SYNE2: variants seen among roughly 807,000 people sequenced by gnomAD.
The protein encoded by SYNE2 is spectrin repeat containing nuclear envelope protein 2.
SYNE2 carries 431 observed loss-of-function variants against 856.3 expected under a neutral mutation model. The ratio of observed to expected loss-of-function variants is 0.50; its 90% CI spans 0.47 to 0.55. The LOEUF (loss-of-function observed/expected upper bound fraction) is 0.55, where lower values mean the gene tolerates loss of function less well. Ranked by LOEUF, SYNE2 falls within the 20% of genes least tolerant of loss-of-function variation. The pLI is 0.00. For missense variants in SYNE2, 8,129 were observed against 8,023.2 expected, an observed-to-expected ratio of 1.01 and a Z score of -0.50; for synonymous variants, 2,923 against 2,872.3, an observed-to-expected ratio of 1.02 and a Z score of -0.56.
At chr14:64,033,445 G>A (rs11621129) in intron 45 of SYNE2, among the ~76,000 whole-genome samples, 114,748 of 151,546 alleles carry the variant, frequency 0.76, 45,508 homozygotes, top group Non-Finnish European at 0.88. Flanking sequence ...TGAGGAGGCC[G>A]AGGTGGATAG....
At chr14:64,020,678 G>A (rs2096929635) in intron 35 of SYNE2, among the ~76,000 whole-genome samples, 1 of 152,202 alleles carries the variant, frequency 6.6e-6, no homozygotes, top group Non-Finnish European at 1.5e-5. Context: ...ATAGGAAGGA[G>A]AATTTCACTC....
chr14:63,862,977 T>C (rs2140209880), intron 1 of SYNE2, among the ~76,000 whole-genome samples: 1 of 152,178 alleles, frequency 6.6e-6, no homozygotes, highest in African/African-American at 2.4e-5. Flanking sequence ...TTTGTATTTT[T>C]AGTAGAGGTG....
chr14:63,980,858 G>C, intron 15 of SYNE2, 126 bp downstream of exon 15: 1 of 1,076,020 alleles, frequency 9.3e-7, no homozygotes, highest in South Asian at 1.5e-5. Context: ...GAAAATTCTT[G>C]CTTTCACTTT....
rs544969880 is a variant in SYNE2, at chr14:64,022,358, C to T, written c.5524+330C>T. On this transcript the variant is annotated intron_variant, in intron 37 of 115. Transcript: ENST00000555002. ...GCAGTGTCTTTGAGTGTCCTGTATG[C>T]TTGGACGTTTGGTATAGAAAATACA... is the stretch of plus-strand genomic sequence containing the variant. Among the ~76,000 whole-genome samples, 5 of 152,208 alleles carry T rather than the reference C, an allele frequency of 3.3e-5. No homozygotes were observed. The South Asian group carries it at 8.3e-4, about 25-fold the overall frequency.
At chr14:64,142,944 G>T (rs1413359191) in intron 82 of SYNE2, among the ~76,000 whole-genome samples, 7 of 152,248 alleles carry the variant, frequency 4.6e-5, no homozygotes, top group African/African-American at 1.7e-4. Context: ...AGTGACAAGT[G>T]TGGTCATTGC....
chr14:64,080,405 C>T, intron 55 of SYNE2, 51 bp from the exon 56 acceptor site: 1 of 1,584,928 alleles, frequency 6.3e-7, no homozygotes, highest in East Asian at 2.2e-5. Flanking sequence ...GGCATTGCCT[C>T]CATAAACTAT....
chr14:63,938,231 G>C (rs1329643053), intron 2 of SYNE2, among the ~76,000 whole-genome samples: 1 of 152,074 alleles, frequency 6.6e-6, no homozygotes, highest in Non-Finnish European at 1.5e-5. Flanking sequence ...TGAGTTGGGA[G>C]GATTGCTTGA....
At chr14:64,016,778 A>G in intron 33 of SYNE2, 147 bp downstream of exon 33, 1 of 633,158 alleles carries the variant, frequency 1.6e-6, no homozygotes, top group South Asian at 2.1e-5. Flanking sequence ...TTTTAACCCC[A>G]GAGTTGGGAC....
Position 64,027,893 on chromosome 14 carries a change from GTTTTATTTTA to G in SYNE2, c.6714+120_6714+129del, listed in dbSNP as rs534849268. ...CTGTTGTTGTTGTTCATTTTGTTTT[GTTTTATTTTA>G]TTTTATTTTATTTTATTTTTTTGAG... On this transcript the variant is annotated intron_variant, in intron 43 of 115. Coordinates refer to ENST00000555002, the MANE Select transcript of SYNE2 (RefSeq NM_182914.3). The G allele has an allele frequency of 5.1e-5, 52 of 1,015,326 alleles. 1 individual carries two copies. The Middle Eastern group carries it at 7.3e-4, about 14-fold the overall frequency. The allele number at this position is 1,015,326 out of a possible 1,614,324, so 62.9% of individuals were successfully genotyped here.
intron 66 of SYNE2, among the ~76,000 whole-genome samples, chr14:64,117,262 G>A (rs1289817508): frequency 6.6e-6 from 1 of 152,182 alleles, no homozygotes; most frequent in Admixed American, 6.5e-5. Context: ...ATCTTAGAGA[G>A]AGGACCCAAG....
At chr14:64,008,275 T>TC (rs2096815522) in intron 31 of SYNE2, among the ~76,000 whole-genome samples, 3 of 152,198 alleles carry the variant, frequency 2.0e-5, no homozygotes, top group Admixed American at 1.3e-4. Context: ...TAGTTTAAGA[T>TC]CCTTAGCTTA....
intron 99 of SYNE2, among the ~76,000 whole-genome samples, chr14:64,199,371 ACT>A (rs1357072060): frequency 6.6e-6 from 1 of 151,840 alleles, no homozygotes; most frequent in African/African-American, 2.4e-5. Flanking sequence ...CAAGCTCTTT[ACT>A]CTCTGTGCCT....
rs79092707 is a variant in SYNE2, at chr14:63,799,395, C to CTT, written c.-305+37426_-305+37427dup. On this transcript the variant is annotated intron_variant, in intron 1 of 23. Coordinates refer to the SYNE2 transcript ENST00000674003. ...CACCCTGCCAATAAATGTTTTAAAACTTTTTTTTTTTTTTTTTTGGCCGGG... is the reference window on the plus strand; with the variant it reads ...CACCCTGCCAATAAATGTTTTAAAACTTTTTTTTTTTTTTTTTTTTGGCCGGG... Among the ~76,000 whole-genome samples, 70 of 128,428 alleles carry CTT rather than the reference C, an allele frequency of 5.5e-4. 1 individual carries two copies. The highest frequency in any genetic ancestry group is 3.8e-3 in the East Asian group (16 of 4,218). 84.3% of individuals were successfully genotyped at this position (128,428 alleles called of 152,430 possible). A position where few individuals can be genotyped will look rare whatever the true frequency, so the allele number is the denominator to read the frequency against.
At chr14:64,100,058 T>C (rs541194903) in intron 63 of SYNE2, 6 of 152,038 alleles carry the variant, frequency 3.9e-5, no homozygotes, top group African/African-American at 1.4e-4. Flanking sequence ...TTATTCACAA[T>C]AGCAAAGACT....
intron 100 of SYNE2, chr14:64,207,946 C>T (rs753855186): frequency 1.1e-5 from 5 of 454,466 alleles, no homozygotes; most frequent in South Asian, 7.8e-5. Flanking sequence ...TTATCTCTCT[C>T]CCTCCCCGCA....
chr14:64,113,258 G>A (rs2097826659), intron 65 of SYNE2, 83 bp from the exon 66 acceptor site: 2 of 1,607,504 alleles, frequency 1.2e-6, no homozygotes, highest in African/African-American at 1.3e-5. Context: ...TTTTAACTGG[G>A]GAAATGTTGC....
Position 64,016,601 on chromosome 14 carries a change from G to C in SYNE2, c.4857G>C (p.Glu1619Asp), listed in dbSNP as rs1594885524. 13 of 1,600,278 alleles carry C rather than the reference G, an allele frequency of 8.1e-6. No individual in the cohort carries two copies. The highest frequency in any genetic ancestry group is 9.4e-6 in the Non-Finnish European group (11 of 1,171,408). The change falls in exon 33 of 116, where the codon GAG becomes GAC. Residue 1619 changes from glutamate (E) to aspartate (D), a missense_variant. By Grantham distance (45) the Glu-to-Asp change is conservative. Transcript: ENST00000555002. Reference protein sequence around the residue: ...KTFEEPPFEKEANIIVDRWLD... With the variant: ...KTFEEPPFEKDANIIVDRWLD... ...TTGAAGAGCCCCCTTTTGAAAAAGA[G>C]GCTAATATTATTGTGGATAGATGGC... is the stretch of plus-strand genomic sequence containing the variant.
intron 1 of SYNE2, among the ~76,000 whole-genome samples, chr14:63,816,231 G>A (rs1273384462): frequency 1.3e-5 from 2 of 152,098 alleles, no homozygotes; most frequent in African/African-American, 4.8e-5. Flanking sequence ...ACAGGCGTGA[G>A]CCACCATGCC....
intron 1 of SYNE2, among the ~76,000 whole-genome samples, chr14:63,777,962 C>T (rs2139726505): frequency 6.6e-6 from 1 of 152,288 alleles, no homozygotes; most frequent in Non-Finnish European, 1.5e-5. Context: ...ATCACCATGC[C>T]TGACCGAGAG....
Sources: allele counts gnomAD v4.1 joint callset (sites outside exome capture counted in the v4.1 genomes callset), GRCh38; gene constraint gnomAD v4.1.1; transcripts MANE v1.5; gene names NCBI Gene and HGNC (gene_info 2026-07-23, HGNC 2026-07-21).